The following RIC1 variants were observed in gnomAD, a reference collection of about 807,000 sequenced individuals.
RIC1 encodes the protein guanine nucleotide exchange factor subunit RIC1.
In RIC1, 88 loss-of-function variants were observed where a neutral mutation model predicts 169.0. The ratio of observed to expected loss-of-function variants is 0.52; its 90% CI spans 0.44 to 0.62. The LOEUF (loss-of-function observed/expected upper bound fraction) is 0.62, where lower values mean the gene tolerates loss of function less well. Ranked by LOEUF, RIC1 falls within the 20% of genes least tolerant of loss-of-function variation. The pLI is 0.00. For synonymous variants in RIC1, 790 were observed against 601.5 expected (o/e 1.31, Z -4.59); for missense variants, 1,877 against 1,725.5 (o/e 1.09, Z -1.56).
intron 17 of RIC1, among the ~76,000 whole-genome samples, chr9:5,758,741 T>TTG (rs1826158653): frequency 8.3e-6 from 1 of 120,762 alleles, no homozygotes; most frequent in African/African-American, 3.8e-5. Flanking sequence ...TTTTTTTTTT[T>TTG]GTCCTTTTTT....
intron 1 of RIC1, among the ~76,000 whole-genome samples, chr9:5,635,925 A>T (rs1272573398): frequency 6.6e-6 from 1 of 152,202 alleles, no homozygotes; most frequent in Non-Finnish European, 1.5e-5. Flanking sequence ...CTTTCTTTAT[A>T]AATTACCAAA....
intron 1 of RIC1, among the ~76,000 whole-genome samples, chr9:5,642,573 G>A (rs1238405606): frequency 1.4e-5 from 2 of 144,678 alleles, no homozygotes; most frequent in African/African-American, 2.8e-5. Context: ...TTGATATTCT[G>A]TTCTGTTGTG....
At position 5,747,448 on chromosome 9, in the gene RIC1, T is replaced by C; in HGVS notation, c.1395T>C (p.Gly465=). 1 of 1,614,024 alleles carries C rather than the reference T, an allele frequency of 6.2e-7. No homozygotes were observed. The highest frequency in any genetic ancestry group is 8.5e-7 in the Non-Finnish European group (1 of 1,179,916). The change falls in exon 12 of 26, where the codon GGT becomes GGC. Residue 465 remains glycine, a synonymous_variant. Coordinates refer to ENST00000414202, the MANE Select transcript of RIC1 (RefSeq NM_020829.4). ...SREKSPFADG[G]LESQGLSTLL... ...AAAAGAGCCCATTTGCAGATGGAGG[T>C]TTAGAGTCTCAGGGATTAAGCACTT...
At chr9:5,640,380 T>C (rs1389114414) in intron 1 of RIC1, among the ~76,000 whole-genome samples, 1 of 152,192 alleles carries the variant, frequency 6.6e-6, no homozygotes, top group East Asian at 1.9e-4. Flanking sequence ...ATTAAAACTC[T>C]ACACTTTAAC....
chr9:5,754,883 G>T lies in RIC1; in HGVS notation c.1645G>T (p.Asp549Tyr). 6.3e-7 allele frequency: 1 copy of T among 1,580,008 alleles called. No individual in the cohort carries two copies. Among genetic ancestry groups the T allele is most frequent in the East Asian group, 2.2e-5 (1 of 44,500 alleles). Reference protein sequence around the residue: ...IVTGGLAWWNDFMVLACYNIN... With the variant: ...IVTGGLAWWNYFMVLACYNIN... ...GACAGGTGGCTTAGCCTGGTGGAAT[G>T]ATTTTATGGTCCTTGCGTGTTATAA... The change falls in exon 15 of 26, where the codon GAT becomes TAT. Residue 549 changes from aspartate to tyrosine, a missense_variant. Asp to Tyr is a radical substitution (Grantham distance 160). This residue lies in a region of RIC1 where 1,104 missense variants were observed against 992.0 expected (regional missense o/e 1.11). Coordinates refer to ENST00000414202, the MANE Select transcript of RIC1 (RefSeq NM_020829.4).
At chr9:5,708,912 A>G (rs574011110) in intron 3 of RIC1, among the ~76,000 whole-genome samples, 3 of 148,906 alleles carry the variant, frequency 2.0e-5, no homozygotes, top group African/African-American at 7.4e-5. Flanking sequence ...AACTGGGTCT[A>G]TTTTTTTTTC....
chr9:5,664,276 C>G (rs1175909537), intron 2 of RIC1, among the ~76,000 whole-genome samples: 2 of 151,884 alleles, frequency 1.3e-5, no homozygotes, highest in Non-Finnish European at 2.9e-5. Flanking sequence ...AGCTGAGTGT[C>G]GTGGCGCATA....
intron 1 of RIC1, among the ~76,000 whole-genome samples, chr9:5,648,280 A>T (rs1173023338): frequency 1.3e-5 from 2 of 152,082 alleles, no homozygotes; most frequent in Non-Finnish European, 2.9e-5. Context: ...CATCATGCCT[A>T]GCCAGGTATA....
At chr9:5,723,826 C>A (rs1021235986) in intron 6 of RIC1, among the ~76,000 whole-genome samples, 2 of 152,172 alleles carry the variant, frequency 1.3e-5, no homozygotes, top group African/African-American at 2.4e-5. Context: ...ATCCTTTCCC[C>A]GTTTCTTGTT....
chr9:5,685,419 A>G (rs1018406896), intron 2 of RIC1, among the ~76,000 whole-genome samples: 12 of 151,254 alleles, frequency 7.9e-5, no homozygotes, highest in Admixed American at 7.2e-4. Flanking sequence ...TACTGGTACC[A>G]AAACAGAGAT....
At chr9:5,748,481 C>T (rs1167621207) in intron 12 of RIC1, 2 of 152,720 alleles carry the variant, frequency 1.3e-5, no homozygotes, top group African/African-American at 2.4e-5. Flanking sequence ...TTCATAGAAT[C>T]AAACAATGTA....
At chr9:5,651,418 C>G (rs1465534849) in intron 1 of RIC1, among the ~76,000 whole-genome samples, 1 of 152,046 alleles carries the variant, frequency 6.6e-6, no homozygotes, top group Non-Finnish European at 1.5e-5. Context: ...GAAGCCCCTC[C>G]TCTATTTTTG....
intron 1 of RIC1, among the ~76,000 whole-genome samples, chr9:5,638,962 C>T (rs1198272223): frequency 1.3e-5 from 2 of 152,134 alleles, no homozygotes; most frequent in Non-Finnish European, 2.9e-5. Flanking sequence ...ATTCTCCAGG[C>T]TAGAGTGCAG....
chr9:5,747,558 C>A, intron 12 of RIC1, 53 bp downstream of exon 12: 3 of 1,425,518 alleles, frequency 2.1e-6, no homozygotes, highest in Non-Finnish European at 9.9e-7. Flanking sequence ...AGGATATCAC[C>A]TGGAACAGAT....
At chr9:5,732,310 T>C in intron 6 of RIC1, 78 bp from the exon 7 acceptor site, 1 of 1,092,152 alleles carries the variant, frequency 9.2e-7, no homozygotes, top group Middle Eastern at 2.0e-4. Context: ...ATTGTATGTT[T>C]ATTGAAGGAG....
At chr9:5,723,298 T>G (rs944868517) in intron 6 of RIC1, among the ~76,000 whole-genome samples, 1 of 152,244 alleles carries the variant, frequency 6.6e-6, no homozygotes, top group South Asian at 2.1e-4. Flanking sequence ...TGCATTTCTT[T>G]GATGGCCAGT....
chr9:5,731,527 A>G (rs10758703), intron 6 of RIC1, among the ~76,000 whole-genome samples: 67,034 of 151,938 alleles, frequency 0.44, 15,871 homozygotes, highest in East Asian at 0.85. Context: ...ATAAAGTGCT[A>G]TATTATAGTG....
chr9:5,708,737 T>G (rs960985600), intron 3 of RIC1, among the ~76,000 whole-genome samples: 3 of 152,132 alleles, frequency 2.0e-5, no homozygotes, highest in Admixed American at 2.0e-4. Context: ...CTTTTAAAAT[T>G]TATCCTACTT....
chr9:5,725,172 GA>G (rs1308988177), intron 6 of RIC1, among the ~76,000 whole-genome samples: 2 of 152,144 alleles, frequency 1.3e-5, no homozygotes, highest in Non-Finnish European at 1.5e-5. Context: ...ATTTGGCTGT[GA>G]ATCTGTCTCG....
Sources: allele counts gnomAD v4.1 joint callset (sites outside exome capture counted in the v4.1 genomes callset), GRCh38; gene constraint gnomAD v4.1.1; regional missense constraint gnomAD v4.1.1; transcripts MANE v1.5; gene names NCBI Gene and HGNC (gene_info 2026-07-23, HGNC 2026-07-21).